ERAP1: variants seen among roughly 807,000 people sequenced by gnomAD.
The protein encoded by ERAP1 is endoplasmic reticulum aminopeptidase 1.
ERAP1 carries 86 observed loss-of-function variants against 103.7 expected under a neutral mutation model. That is an observed-to-expected ratio of 0.83 (90% confidence interval 0.70 to 0.99). The LOEUF (loss-of-function observed/expected upper bound fraction) is 0.99. ERAP1 is among the 50% of genes least tolerant of loss of function. The pLI is 0.00. For synonymous variants in ERAP1, 398 were observed against 402.4 expected, an observed-to-expected ratio of 0.99 and a Z score of 0.13; for missense variants, 1,009 against 1,128.4, an observed-to-expected ratio of 0.89 and a Z score of 1.52.
At chr5:96,863,114 T>A in the ERAP1 span, among the ~76,000 whole-genome samples, 1 of 152,112 alleles carries the variant, frequency 6.6e-6, no homozygotes, top group African/African-American at 2.4e-5. Context: ...AAGTCTCTCT[T>A]CTCTAAATCC....
the ERAP1 span, chr5:96,917,577 T>C: frequency 6.5e-4 from 1,052 of 1,613,720 alleles, 8 homozygotes; most frequent in African/African-American, 0.013. Flanking sequence ...CTTCCGACTC[T>C]GAGGACTTGG....
the ERAP1 span, among the ~76,000 whole-genome samples, chr5:96,932,872 G>A: frequency 2.0e-5 from 3 of 152,162 alleles, no homozygotes; most frequent in South Asian, 6.2e-4. Flanking sequence ...TTAAATGGTA[G>A]AGAGCAATGA....
chr5:96,785,765 C>T (rs750802276), intron 13 of ERAP1, 23 bp downstream of exon 13: 62 of 1,613,136 alleles, frequency 3.8e-5, no homozygotes, highest in South Asian at 1.4e-4. Context: ...AAATAAACCG[C>T]GACTTTGTGC....
intron 3 of ERAP1, among the ~76,000 whole-genome samples, chr5:96,798,871 C>CCTTTTTT (rs1777657529): frequency 8.0e-6 from 1 of 124,878 alleles, no homozygotes; most frequent in Admixed American, 8.5e-5. Flanking sequence ...CAAAAATTTC[C>CCTTTTTT]TTTTTTTTTT....
chr5:96,892,513 G>A, the ERAP1 span: 10 of 1,581,596 alleles, frequency 6.3e-6, no homozygotes, highest in Middle Eastern at 1.7e-4. Context: ...TATAGAACAC[G>A]ACCAATCTTC....
chr5:96,790,021 G>C (rs925527155), intron 10 of ERAP1, among the ~76,000 whole-genome samples: 7 of 152,196 alleles, frequency 4.6e-5, no homozygotes, highest in African/African-American at 1.7e-4. Flanking sequence ...ATCTGCTATA[G>C]AAACATGTCA....
In ERAP1 at chr5:96,790,598, C is replaced by T. The variant is rs150674566; in HGVS notation, c.1366G>A (p.Ala456Thr). ...NMLREYLSAD[A>T]FKSGIVQYLQ... Reference sequence around the variant, plus strand: ...TACTGTACAATACCACTTTTAAATGCGTCAGCACTAAGATACTCCCTTAGC... The same window carrying T: ...TACTGTACAATACCACTTTTAAATGTGTCAGCACTAAGATACTCCCTTAGC... The change falls in exon 9 of 19, where the codon GCA (alanine) becomes ACA (threonine). Residue 456 changes from alanine to threonine, a missense_variant. Physicochemically the swap from Ala to Thr is moderately conservative, Grantham distance 58. Coordinates refer to ENST00000443439, the MANE Select transcript of ERAP1 (RefSeq NM_001040458.3). 2.5e-5 allele frequency: 40 copies of T among 1,611,708 alleles called. No homozygotes were observed. The highest frequency in any genetic ancestry group is 1.7e-4 in the Middle Eastern group (1 of 6,060).
chr5:96,777,338 A>G (rs27639), intron 18 of ERAP1, among the ~76,000 whole-genome samples: 19,383 of 152,174 alleles, frequency 0.13, 1,653 homozygotes, highest in East Asian at 0.25. Flanking sequence ...TCAATTTTTG[A>G]TTTGGTATTC....
chr5:96,923,136 T>C, the ERAP1 span, among the ~76,000 whole-genome samples: 3 of 152,192 alleles, frequency 2.0e-5, no homozygotes, highest in Admixed American at 2.0e-4. Flanking sequence ...ACAATGGCTG[T>C]CTAATTTTTA....
the ERAP1 span, among the ~76,000 whole-genome samples, chr5:96,829,947 A>C: frequency 2.0e-5 from 3 of 152,226 alleles, no homozygotes; most frequent in African/African-American, 7.2e-5. Flanking sequence ...AATTGAACCA[A>C]CTTTCCCTCT....
chr5:96,773,989 C>T (rs1156504904), downstream of ERAP1: 1 of 152,314 alleles, frequency 6.6e-6, no homozygotes, highest in African/African-American at 2.4e-5. Context: ...AAGTCATGCA[C>T]ATACCTATGG....
At chr5:96,848,349 CCG>C in the ERAP1 span, among the ~76,000 whole-genome samples, 1 of 152,188 alleles carries the variant, frequency 6.6e-6, no homozygotes, top group African/African-American at 2.4e-5. Context: ...CCATACCCTG[CCG>C]AGAGTTTGTT....
At chr5:96,823,016 C>G in the ERAP1 span, 153 of 455,962 alleles carry the variant, frequency 3.4e-4, no homozygotes, top group African/African-American at 2.8e-3. Flanking sequence ...GGTTGTAGGA[C>G]AGAGCACTTC....
Position 96,781,596 on chromosome 5 carries a change from G to A in ERAP1, c.2447+97C>T, listed in dbSNP as rs27043. On this transcript the variant is annotated intron_variant, in intron 16 of 18. Coordinates refer to ENST00000443439, the MANE Select transcript of ERAP1 (RefSeq NM_001040458.3). Reference sequence around the variant, plus strand: ...TTGCAGTATGTTCCCAGCAGGATAGGCAATTCCTGGCCAAGAAAACAAAAA... The same window carrying A: ...TTGCAGTATGTTCCCAGCAGGATAGACAATTCCTGGCCAAGAAAACAAAAA... The A allele has an allele frequency of 0.83, 1,235,469 of 1,491,934 alleles. 514,805 individuals carry two copies. Among genetic ancestry groups the A allele is most frequent in the Non-Finnish European group, 0.85 (918,914 of 1,075,970 alleles). 92.4% of individuals were successfully genotyped at this position (1,491,934 alleles called of 1,614,324 possible).
At chr5:96,807,160 C>T (rs1409373351) in intron 1 of ERAP1, among the ~76,000 whole-genome samples, 2 of 152,170 alleles carry the variant, frequency 1.3e-5, no homozygotes, top group Non-Finnish European at 2.9e-5. Context: ...ACCACCTGGC[C>T]AGTGAGGCAC....
Position 96,775,612 on chromosome 5 carries a change from A to G in ERAP1, c.*784T>C. The stretch of plus-strand genomic sequence containing the variant: ...GCGAGCACATTATGTAGAAACCACA[A>G]GTCCGCCAGGACTAGTAAAAGCCAG... On this transcript the variant is annotated 3_prime_UTR_variant, in exon 19 of 19. Transcript: ENST00000443439. 1.7e-6 allele frequency: 1 copy of G among 605,156 alleles called. No individual in the cohort carries two copies. Among genetic ancestry groups the G allele is most frequent in the Non-Finnish European group, 2.1e-6 (1 of 483,018 alleles). The allele number at this position is 605,156 out of a possible 1,614,324, so 37.5% of individuals were successfully genotyped here.
intron 15 of ERAP1, 83 bp downstream of exon 15, chr5:96,782,968 T>C: frequency 6.9e-7 from 1 of 1,443,356 alleles, no homozygotes; most frequent in African/African-American, 1.4e-5. Flanking sequence ...AACTTTTTGT[T>C]TTCCCTAATG....
the ERAP1 span, among the ~76,000 whole-genome samples, chr5:96,910,453 GA>G: frequency 8.2e-4 from 115 of 140,160 alleles, no homozygotes; most frequent in South Asian, 0.018. Context: ...ATCAGTTTTA[GA>G]AAAAAAAAAA....
rs1000039730 is a variant in ERAP1, at chr5:96,803,695, C to T, written c.232G>A (p.Gly78Arg). The T allele has an allele frequency of 1.2e-6, 2 of 1,614,002 alleles. No individual in the cohort carries two copies. The highest frequency in any genetic ancestry group is 2.7e-5 in the African/African-American group (2 of 74,878). Reference sequence around the variant, plus strand: ...GCTGTGATTTCTACTTTCGTGGTTCCCCAGAAGGTCAGCGTGGTAAGGTTT... The same window carrying T: ...GCTGTGATTTCTACTTTCGTGGTTCTCCAGAAGGTCAGCGTGGTAAGGTTT... ...HANLTTLTFW[G>R]TTKVEITASQ... The change falls in exon 2 of 19, where the codon GGA becomes AGA. Residue 78 changes from glycine (G) to arginine (R), a missense_variant. Gly to Arg is a moderately radical substitution (Grantham distance 125). Transcript: ENST00000443439.
Sources: allele counts gnomAD v4.1 joint callset (sites outside exome capture counted in the v4.1 genomes callset), GRCh38; gene constraint gnomAD v4.1.1; transcripts MANE v1.5; gene names NCBI Gene and HGNC (gene_info 2026-07-23, HGNC 2026-07-21).